ITFG2: variants seen among roughly 807,000 people sequenced by gnomAD.
The protein encoded by ITFG2 is KICSTOR complex protein ITFG2.
A neutral mutation model predicts 54.4 loss-of-function variants in ITFG2; 36 were observed. The ratio of observed to expected loss-of-function variants is 0.66; its 90% CI spans 0.51 to 0.87. The LOEUF is 0.87. Among genes scored for constraint, ITFG2 ranks in the 40% least tolerant of loss-of-function variants. The pLI is 0.00. For synonymous variants in ITFG2, 211 were observed against 225.4 expected, an observed-to-expected ratio of 0.94 and a Z score of 0.57; for missense variants, 524 against 576.7, an observed-to-expected ratio of 0.91 and a Z score of 0.94.
At chr12:2,847,615 C>G (rs986296483) in intron 2 of ITFG2, among the ~76,000 whole-genome samples, 3 of 141,594 alleles carry the variant, frequency 2.1e-5, no homozygotes, top group African/African-American at 7.8e-5. Flanking sequence ...TGCAGTGAGC[C>G]AAGATCACGC....
chr12:2,816,833 G>A (rs1215178442), intron 1 of ITFG2, among the ~76,000 whole-genome samples: 1 of 149,874 alleles, frequency 6.7e-6, no homozygotes, highest in Admixed American at 6.7e-5. Flanking sequence ...GTAGAGACAA[G>A]GTTTCACCAT....
chr12:2,818,519 T>G, intron 4 of ITFG2: 1 of 634,692 alleles, frequency 1.6e-6, no homozygotes, highest in Non-Finnish European at 2.6e-6. Context: ...CAATATAGGC[T>G]AGGTGTGCTG....
At chr12:2,840,359 A>G (rs118131287) in intron 1 of ITFG2, among the ~76,000 whole-genome samples, 1,877 of 151,868 alleles carry the variant, frequency 0.012, 23 homozygotes, top group Non-Finnish European at 0.022. Context: ...AGATTGAGGC[A>G]TGAGAAACGC....
chr12:2,833,344 A>G (rs1031054624), upstream of ITFG2, among the ~76,000 whole-genome samples: 2 of 151,932 alleles, frequency 1.3e-5, no homozygotes, highest in African/African-American at 2.4e-5. Context: ...TGCCACTGCA[A>G]GTAGGAATAA....
intron 1 of ITFG2, among the ~76,000 whole-genome samples, chr12:2,813,369 AGTGGTG>A (rs899454887): frequency 3.3e-5 from 5 of 152,132 alleles, no homozygotes; most frequent in Non-Finnish European, 7.4e-5. Flanking sequence ...CTTAAGTGTT[AGTGGTG>A]GTGGTGGTGG....
At chr12:2,830,844 A>G (rs2097998129) in exon 3 of ITFG2, 1 of 1,613,262 alleles carries the variant, frequency 6.2e-7, no homozygotes, top group Non-Finnish European at 8.5e-7. Context: ...GCGTCTTTGG[A>G]TCACACTGCG....
downstream of ITFG2, chr12:2,827,743 A>G (rs2097975886): frequency 6.2e-7 from 1 of 1,612,014 alleles, no homozygotes; most frequent in Non-Finnish European, 8.5e-7. This position sits in a 1 kb window ranked among gnomAD's most constrained non-coding sequence, Gnocchi z 4.0. Context: ...CCCTCCTCTT[A>G]GCCGTTGCTC....
intron 4 of ITFG2, 114 bp downstream of exon 4, chr12:2,818,391 A>C: frequency 6.5e-7 from 1 of 1,535,528 alleles, no homozygotes; most frequent in South Asian, 1.2e-5. Flanking sequence ...TGCATTTGTT[A>C]TGTGCTGAGC....
downstream of ITFG2, chr12:2,828,218 A>G (rs2097979655): frequency 2.5e-6 from 3 of 1,182,102 alleles, no homozygotes; most frequent in African/African-American, 4.6e-5. Context: ...TTGTTAAATA[A>G]CAGCTTTATT....
chr12:2,834,981 C>T (rs202102161), upstream of ITFG2: 72 of 1,564,054 alleles, frequency 4.6e-5, 1 homozygote, highest in Middle Eastern at 3.4e-4. Context: ...AAATAAATAA[C>T]ATGCAGGAGC....
At chr12:2,847,564 G>A in intron 2 of ITFG2, among the ~76,000 whole-genome samples, 1 of 151,928 alleles carries the variant, frequency 6.6e-6, no homozygotes, top group African/African-American at 2.4e-5. Context: ...CTACTCGGGA[G>A]GCTGAGGCAG....
upstream of ITFG2, among the ~76,000 whole-genome samples, chr12:2,836,117 C>T (rs1352888773): frequency 6.6e-6 from 1 of 152,208 alleles, no homozygotes; most frequent in East Asian, 1.9e-4. Flanking sequence ...GTAGGCATTT[C>T]TCTAGAGTAT....
At chr12:2,827,710 A>AG, downstream of ITFG2, 11 of 1,613,568 alleles carry the variant, frequency 6.8e-6, no homozygotes, top group Non-Finnish European at 9.3e-6. This position sits in a 1 kb window ranked among gnomAD's most constrained non-coding sequence, Gnocchi z 4.0. Flanking sequence ...GAAGAGGCTG[A>AG]GGGTTCCCAG....
rs1425065104 is a variant in ITFG2, at chr12:2,821,547, C to T, written c.798C>T (p.His266=). 5.0e-6 allele frequency: 8 copies of T among 1,614,116 alleles called. No homozygotes were observed. Among genetic ancestry groups the T allele is most frequent in the Non-Finnish European group, 6.8e-6 (8 of 1,179,968 alleles). The change falls in exon 8 of 12, where the codon CAC becomes CAT. Residue 266 remains histidine, a synonymous_variant. Transcript: ENST00000228799. Reference sequence around the variant, plus strand: ...TTCTTCCTCTGGTCCTCACAGGCCACGGCACTGAGAGTAGTGGCTCTGGCC... The same window carrying T: ...TTCTTCCTCTGGTCCTCACAGGCCATGGCACTGAGAGTAGTGGCTCTGGCC... The part of the protein sequence containing the change: ...THLIGNIKQG[H]GTESSGSGLF...
intron 1 of ITFG2, among the ~76,000 whole-genome samples, chr12:2,816,921 T>G (rs572497481): frequency 6.7e-6 from 1 of 149,058 alleles, no homozygotes; most frequent in Non-Finnish European, 1.5e-5. Context: ...GCTGGGATTA[T>G]AGGCATGAGC....
At position 2,823,394 on chromosome 12, in the gene ITFG2, G is replaced by A. The variant is rs557736832; in HGVS notation, c.1067-376G>A. Among the ~76,000 whole-genome samples the A allele has an allele frequency of 2.6e-5, 4 of 152,220 alleles. No homozygotes were observed. In the South Asian group the frequency reaches 8.3e-4, roughly 32 times the overall value. On this transcript the variant is annotated intron_variant, in intron 10 of 11. Coordinates refer to ENST00000228799, the MANE Select transcript of ITFG2 (RefSeq NM_018463.4). ...TCTGGGTGACTGGGGGATGCATTTG[G>A]AAGGAGGGATTGGCACCTAAGAGAA...
chr12:2,858,923 G>A (rs150443540), intron 3 of ITFG2: 22 of 1,613,694 alleles, frequency 1.4e-5, no homozygotes, highest in South Asian at 5.5e-5. Context: ...GTGATTCAAG[G>A]GGGGGAGCAC....
At chr12:2,818,538 C>T in intron 4 of ITFG2, 1 of 527,348 alleles carries the variant, frequency 1.9e-6, no homozygotes, top group South Asian at 2.0e-5. Flanking sequence ...TGCCTCTCGC[C>T]TGTGATACCA....
chr12:2,818,247 A>G lies in ITFG2; in HGVS notation c.376A>G (p.Asn126Asp). Residue 126 changes from asparagine to aspartate, a missense_variant, in exon 4 of 12, where the codon AAC (asparagine) becomes GAC (aspartate). Transcript: ENST00000228799. ...AGTCTTCAAGCAGCACATCCCTGCCAACACCAAGGTCATGCTGATCAGCGA... is the reference window on the plus strand; with the variant it reads ...AGTCTTCAAGCAGCACATCCCTGCCGACACCAAGGTCATGCTGATCAGCGA... ...RPVFKQHIPA[N>D]TKVMLISDID... 6.2e-7 allele frequency: 1 copy of G among 1,613,798 alleles called. No individual in the cohort carries two copies. Among genetic ancestry groups the G allele is most frequent in the Non-Finnish European group, 8.5e-7 (1 of 1,180,032 alleles).
Sources: gnomAD v4.1 joint callset for allele counts (sites outside exome capture counted in the v4.1 genomes callset) on GRCh38, gnomAD v4.1.1 for gene constraint, Gnocchi (gnomAD v3.1) non-coding constraint, MANE v1.5 for transcripts, NCBI Gene and HGNC (gene_info 2026-07-23, HGNC 2026-07-21) for gene names.